The following RUNDC3B variants were observed in gnomAD, a reference collection of about 807,000 sequenced individuals.
The protein encoded by RUNDC3B is RUN domain containing 3B.
RUNDC3B carries 33 observed loss-of-function variants against 58.4 expected under a neutral mutation model. That is an observed-to-expected ratio of 0.56 (90% CI 0.43 to 0.75). The LOEUF (loss-of-function observed/expected upper bound fraction) is 0.75. Ranked by LOEUF, RUNDC3B falls within the 30% of genes least tolerant of loss-of-function variation. The pLI, the probability that RUNDC3B is intolerant of heterozygous loss-of-function variation, is 0.00. For missense variants in RUNDC3B, 501 were observed against 535.7 expected (o/e 0.94, Z 0.64); for synonymous variants, 193 against 195.2 (o/e 0.99, Z 0.10).
In RUNDC3B at chr7:87,759,228, A is replaced by C. The variant is rs181437258; in HGVS notation, c.630-11353A>C. The stretch of plus-strand genomic sequence containing the variant: ...TTATATTATGTGAAATAAGCCAGGC[A>C]TAGAAAGACAAATTTCCCATATTCT... On this transcript the variant is annotated intron_variant, in intron 6 of 10. Transcript: ENST00000394654. Among the ~76,000 whole-genome samples, 363 of 152,320 alleles carry C rather than the reference A, an allele frequency of 2.4e-3. 1 individual carries two copies. The highest frequency in any genetic ancestry group is 4.0e-3 in the Non-Finnish European group (271 of 68,022).
chr7:87,760,925 G>A (rs1183685602), intron 6 of RUNDC3B, among the ~76,000 whole-genome samples: 1 of 151,862 alleles, frequency 6.6e-6, no homozygotes, highest in African/African-American at 2.4e-5. Context: ...TTAGGCAATT[G>A]TTTTTTAATA....
At chr7:87,630,001 T>A (rs372428994) in intron 1 of RUNDC3B, among the ~76,000 whole-genome samples, 2 of 152,174 alleles carry the variant, frequency 1.3e-5, no homozygotes, top group African/African-American at 4.8e-5. Context: ...ATATTTTCTT[T>A]AAGTCTTATA....
rs140007660 is a variant in RUNDC3B, at chr7:87,824,084, T to C, written c.1226-5801T>C. On this transcript the variant is annotated intron_variant, in intron 10 of 10. Coordinates refer to ENST00000394654, the MANE Select transcript of RUNDC3B (RefSeq NM_001134405.2). ...AATTGATACATAATGGATATACATA[T>C]TTTGGGGGTACATGTGATAATTTGA... is the stretch of plus-strand genomic sequence containing the variant. Among the ~76,000 whole-genome samples the C allele has an allele frequency of 4.9e-3, 744 of 152,306 alleles. 6 individuals carry two copies. Among genetic ancestry groups the C allele is most frequent in the African/African-American group, 0.017 (712 of 41,558 alleles).
intron 2 of RUNDC3B, among the ~76,000 whole-genome samples, chr7:87,671,394 G>A (rs1385513257): frequency 1.3e-5 from 2 of 152,170 alleles, no homozygotes; most frequent in African/African-American, 4.8e-5. Context: ...TCTGGTAGAG[G>A]GTGGCTGGAG....
chr7:87,664,174 A>G (rs1026147926), intron 2 of RUNDC3B, among the ~76,000 whole-genome samples: 2 of 152,050 alleles, frequency 1.3e-5, no homozygotes, highest in African/African-American at 4.8e-5. Flanking sequence ...AAAAATATAC[A>G]GGGTAGCCAG....
At chr7:87,671,571 AAGATGAG>A (rs1441066762) in intron 2 of RUNDC3B, among the ~76,000 whole-genome samples, 1 of 152,152 alleles carries the variant, frequency 6.6e-6, no homozygotes, top group Non-Finnish European at 1.5e-5. Context: ...CAAAACAGCA[AAGATGAG>A]AGCCTGTCCC....
At chr7:87,682,165 T>A (rs1164692023) in intron 2 of RUNDC3B, among the ~76,000 whole-genome samples, 1 of 152,218 alleles carries the variant, frequency 6.6e-6, no homozygotes, top group East Asian at 1.9e-4. Context: ...ATTGCAATAA[T>A]TCAGTCACAT....
At chr7:87,813,169 G>C (rs1329294406) in intron 9 of RUNDC3B, among the ~76,000 whole-genome samples, 3 of 152,140 alleles carry the variant, frequency 2.0e-5, no homozygotes, top group African/African-American at 7.2e-5. Flanking sequence ...CATATTCATT[G>C]GCATTTGGTT....
intron 6 of RUNDC3B, among the ~76,000 whole-genome samples, chr7:87,764,111 T>G (rs1252813026): frequency 6.6e-6 from 1 of 151,848 alleles, no homozygotes; most frequent in Non-Finnish European, 1.5e-5. Flanking sequence ...GTAAAAAATT[T>G]TATTAGCACA....
At chr7:87,661,973 T>C (rs1824757532) in intron 2 of RUNDC3B, among the ~76,000 whole-genome samples, 1 of 152,170 alleles carries the variant, frequency 6.6e-6, no homozygotes, top group African/African-American at 2.4e-5. Flanking sequence ...TATATCATTG[T>C]ACTTTTGATT....
intron 10 of RUNDC3B, among the ~76,000 whole-genome samples, chr7:87,825,194 G>A (rs1837731964): frequency 6.6e-6 from 1 of 151,930 alleles, no homozygotes; most frequent in Non-Finnish European, 1.5e-5. Context: ...ACTCCAGCCT[G>A]GGTGACAGAG....
intron 1 of RUNDC3B, among the ~76,000 whole-genome samples, chr7:87,647,297 TTTG>T (rs1823106972): frequency 6.7e-6 from 1 of 148,194 alleles, no homozygotes; most frequent in Non-Finnish European, 1.5e-5. Flanking sequence ...TCCATTCTCT[TTTG>T]TTGTTGTTAT....
chr7:87,736,875 ATATATATATATATATTTTT>A (rs1831990032), intron 4 of RUNDC3B, among the ~76,000 whole-genome samples: 1 of 36,360 alleles, frequency 2.8e-5, no homozygotes, highest in Non-Finnish European at 4.7e-5. Flanking sequence ...ATATATATAT[ATATATATATATATATTTTT>A]TTTTTTTTTT....
At chr7:87,746,079 G>T (rs750794872) in intron 6 of RUNDC3B, among the ~76,000 whole-genome samples, 3 of 152,134 alleles carry the variant, frequency 2.0e-5, no homozygotes, top group African/African-American at 7.2e-5. Context: ...TAAGGAGCAG[G>T]TTATTTAATT....
chr7:87,741,363 C>A (rs960116236), intron 5 of RUNDC3B, 136 bp from the exon 6 acceptor site: 16 of 526,528 alleles, frequency 3.0e-5, no homozygotes, highest in Middle Eastern at 5.2e-4. Context: ...TGACAAGTAA[C>A]AATTAAATTG....
chr7:87,793,579 AT>A (rs1333088013), intron 8 of RUNDC3B, among the ~76,000 whole-genome samples: 1 of 152,156 alleles, frequency 6.6e-6, no homozygotes, highest in Non-Finnish European at 1.5e-5. Context: ...TAAAAACCAT[AT>A]GATCATTTCA....
chr7:87,764,071 G>A (rs1035483385), intron 6 of RUNDC3B, among the ~76,000 whole-genome samples: 4 of 151,688 alleles, frequency 2.6e-5, no homozygotes, highest in African/African-American at 9.7e-5. Context: ...AGTTTTACCT[G>A]TTTGGTATTT....
chr7:87,641,656 C>G (rs891847439), intron 1 of RUNDC3B, among the ~76,000 whole-genome samples: 3 of 152,192 alleles, frequency 2.0e-5, no homozygotes, highest in African/African-American at 7.2e-5. Context: ...CTCTTTTACT[C>G]TGACACTAGA....
chr7:87,751,670 G>C (rs571156346), intron 6 of RUNDC3B, among the ~76,000 whole-genome samples: 2 of 151,710 alleles, frequency 1.3e-5, no homozygotes, highest in Non-Finnish European at 1.5e-5. Flanking sequence ...CTCATGATTT[G>C]GCTCTCTGTT....
Sources: gnomAD v4.1 joint callset for allele counts (sites outside exome capture counted in the v4.1 genomes callset) on GRCh38, gnomAD v4.1.1 for gene constraint, MANE v1.5 for transcripts, NCBI Gene and HGNC (gene_info 2026-07-23, HGNC 2026-07-21) for gene names.